The following SVOPL variants were observed in gnomAD, a reference collection of about 807,000 sequenced individuals.
SVOPL encodes putative transporter SVOPL.
Under a neutral mutation model 61.0 loss-of-function variants are expected in SVOPL, and 60 were observed. The observed-to-expected ratio is 0.98, with a 90% CI of 0.80 to 1.22. The LOEUF is 1.22. Ranked by LOEUF, SVOPL falls within the 50% of genes most tolerant of loss-of-function variation. SVOPL has a pLI of 0.00. For missense variants in SVOPL, 662 were observed against 643.9 expected (o/e 1.03, Z -0.30); for synonymous variants, 279 against 250.0 (o/e 1.12, Z -1.09).
chr7:138,691,938 C>G (rs1288078062), intron 1 of SVOPL, among the ~76,000 whole-genome samples: 1 of 152,086 alleles, frequency 6.6e-6, no homozygotes, highest in African/African-American at 2.4e-5. Context: ...CTGCCTCAGA[C>G]TCCTGAGTAG....
intron 9 of SVOPL, among the ~76,000 whole-genome samples, chr7:138,631,646 G>A (rs1209490893): frequency 6.6e-6 from 1 of 152,016 alleles, no homozygotes; most frequent in Non-Finnish European, 1.5e-5. Flanking sequence ...TTGGCTCACT[G>A]CAACCCCTGC....
chr7:138,602,806 A>G (rs1798587802), intron 14 of SVOPL, among the ~76,000 whole-genome samples: 2 of 151,922 alleles, frequency 1.3e-5, no homozygotes, highest in South Asian at 2.1e-4. Flanking sequence ...CTGCTCTCCC[A>G]GGACCTCAAT....
intron 9 of SVOPL, among the ~76,000 whole-genome samples, chr7:138,642,979 G>A (rs915411911): frequency 8.5e-5 from 13 of 152,214 alleles, no homozygotes; most frequent in African/African-American, 3.1e-4. Context: ...TGCCCAGGAT[G>A]TAGTGAAACT....
chr7:138,675,645 C>CA (rs1342401065), intron 3 of SVOPL, among the ~76,000 whole-genome samples: 1 of 151,910 alleles, frequency 6.6e-6, no homozygotes, highest in African/African-American at 2.4e-5. Flanking sequence ...TGTGAGCCAC[C>CA]ATGCCCCGCC....
intron 1 of SVOPL, among the ~76,000 whole-genome samples, chr7:138,700,142 G>C (rs1803158237): frequency 6.6e-6 from 1 of 152,052 alleles, no homozygotes; most frequent in African/African-American, 2.4e-5. Flanking sequence ...AAGTTAGTTA[G>C]CATATATATG....
At chr7:138,677,266 GAA>G (rs375696420) in intron 3 of SVOPL, among the ~76,000 whole-genome samples, 1 of 152,036 alleles carries the variant, frequency 6.6e-6, no homozygotes, top group South Asian at 2.1e-4. Flanking sequence ...GAGGTCAGTA[GAA>G]AAAAGACTGC....
At chr7:138,595,369 C>A (rs985616557) in intron 15 of SVOPL, among the ~76,000 whole-genome samples, 1 of 152,090 alleles carries the variant, frequency 6.6e-6, no homozygotes, top group Non-Finnish European at 1.5e-5. Context: ...AGACATGTAG[C>A]CAGTTAGCCC....
intron 4 of SVOPL, among the ~76,000 whole-genome samples, chr7:138,666,519 C>G (rs993430207): frequency 1.3e-5 from 2 of 152,162 alleles, no homozygotes; most frequent in African/African-American, 4.8e-5. Flanking sequence ...GGTTCAGGGT[C>G]TGGCAGACAT....
rs919566707 is a variant in SVOPL, at chr7:138,597,178, T to A, written c.1354-648A>T. 6.2e-6 allele frequency: 8 copies of A among 1,288,686 alleles called. No individual in the cohort carries two copies. The African/African-American group carries it at 1.2e-4, about 20-fold the overall frequency. The allele number at this position is 1,288,686 out of a possible 1,614,324, so 79.8% of individuals were successfully genotyped here. A position where few individuals can be genotyped will look rare whatever the true frequency, so the allele number is the denominator to read the frequency against. On this transcript the variant is annotated intron_variant, in intron 14 of 15. Transcript: ENST00000674285. ...TCATACTTTAGTTTCTCTTGGTCTG[T>A]GTTCTTGATAGTTCTCCATTAATCT...
At chr7:138,635,301 T>C (rs773792308) in intron 9 of SVOPL, among the ~76,000 whole-genome samples, 3 of 150,758 alleles carry the variant, frequency 2.0e-5, no homozygotes, top group Non-Finnish European at 4.4e-5. Context: ...TATGGTAAAT[T>C]GCTTGTTATG....
intron 7 of SVOPL, 55 bp downstream of exon 7, chr7:138,656,393 G>T: frequency 6.4e-7 from 1 of 1,561,180 alleles, no homozygotes; most frequent in Non-Finnish European, 8.8e-7. Context: ...ATGCCTATAT[G>T]TACATCTTAT....
chr7:138,671,459 T>C lies in SVOPL; in HGVS notation c.273+560A>G, dbSNP rs972924863. Among the ~76,000 whole-genome samples, 8 of 152,200 alleles carry C rather than the reference T, an allele frequency of 5.3e-5. 1 individual carries two copies. Among genetic ancestry groups the C allele is most frequent in the African/African-American group, 1.9e-4 (8 of 41,454 alleles). ...TCCTCCCAGATGCAAGCAATTCTCC[T>C]GTCTCAGCCTCCCAAGTAGCTGGGA... On this transcript the variant is annotated intron_variant, in intron 4 of 15. Coordinates refer to ENST00000674285, the MANE Select transcript of SVOPL (RefSeq NM_001139456.2).
At chr7:138,632,493 G>A (rs958039848) in intron 9 of SVOPL, among the ~76,000 whole-genome samples, 1 of 152,072 alleles carries the variant, frequency 6.6e-6, no homozygotes, top group Non-Finnish European at 1.5e-5. Flanking sequence ...GATGGATGGG[G>A]GCCGCAAGCT....
chr7:138,620,347 C>T (rs1799506221), intron 14 of SVOPL, among the ~76,000 whole-genome samples: 1 of 148,564 alleles, frequency 6.7e-6, no homozygotes, highest in African/African-American at 2.5e-5. Flanking sequence ...TCTCAAACTC[C>T]TTACCTCAGG....
At chr7:138,689,987 G>A (rs905406303) in intron 1 of SVOPL, among the ~76,000 whole-genome samples, 14 of 151,884 alleles carry the variant, frequency 9.2e-5, no homozygotes, top group African/African-American at 1.2e-4. Flanking sequence ...CTGGCAACAC[G>A]AAGGCAGATA....
chr7:138,667,177 G>C (rs1584857631), intron 4 of SVOPL, among the ~76,000 whole-genome samples: 1 of 152,270 alleles, frequency 6.6e-6, no homozygotes, highest in Admixed American at 6.5e-5. Flanking sequence ...CACCAAAGAG[G>C]AGGTTAAGCC....
intron 1 of SVOPL, among the ~76,000 whole-genome samples, chr7:138,681,365 C>T (rs544794457): frequency 1.3e-5 from 2 of 148,984 alleles, no homozygotes; most frequent in South Asian, 4.2e-4. Flanking sequence ...TATTATATAA[C>T]ATATATAATA....
intron 5 of SVOPL, chr7:138,662,525 G>A (rs1802044343): frequency 2.0e-6 from 2 of 985,700 alleles, no homozygotes; most frequent in South Asian, 4.7e-5. Context: ...TTGCAGCAGT[G>A]GACTAGTCAT....
At chr7:138,676,372 G>T (rs188313483) in intron 3 of SVOPL, among the ~76,000 whole-genome samples, 27 of 152,306 alleles carry the variant, frequency 1.8e-4, no homozygotes, top group African/African-American at 6.0e-4. Flanking sequence ...CAGGTCGGGA[G>T]GCCCAAGATC....
Sources: gnomAD v4.1 joint callset for allele counts (sites outside exome capture counted in the v4.1 genomes callset) on GRCh38, gnomAD v4.1.1 for gene constraint, MANE v1.5 for transcripts, NCBI Gene and HGNC (gene_info 2026-07-23, HGNC 2026-07-21) for gene names.